SNAPC4: variants seen among roughly 807,000 people sequenced by gnomAD.
SNAPC4 encodes small nuclear RNA activating complex polypeptide 4.
A neutral mutation model predicts 151.3 loss-of-function variants in SNAPC4; 127 were observed. The ratio of observed to expected loss-of-function variants is 0.84; its 90% CI spans 0.73 to 0.97. The LOEUF (loss-of-function observed/expected upper bound fraction) is 0.97, where lower values mean the gene tolerates loss of function less well. SNAPC4 is among the 50% of genes least tolerant of loss of function. The pLI is 0.00. For missense variants in SNAPC4, 2,186 were observed against 1,935.0 expected (o/e 1.13, Z -2.43); for synonymous variants, 1,002 against 824.4 (o/e 1.22, Z -3.69).
At chr9:136,387,946 C>A (rs2131490503) in intron 11 of SNAPC4, 98 bp from the exon 12 acceptor site, 2 of 753,384 alleles carry the variant, frequency 2.7e-6, no homozygotes, top group East Asian at 2.5e-5. Context: ...GGCCGAGACA[C>A]CCACCCTCCA....
Position 136,383,045 on chromosome 9 carries a change from G to C in SNAPC4, c.1983+141C>G, listed in dbSNP as rs2131471098. The C allele has an allele frequency of 7.4e-7, 1 of 1,350,066 alleles. No individual in the cohort carries two copies. The highest frequency in any genetic ancestry group is 9.7e-7 in the Non-Finnish European group (1 of 1,028,650). 83.6% of individuals were successfully genotyped at this position (1,350,066 alleles called of 1,614,324 possible). A position where few individuals can be genotyped will look rare whatever the true frequency, so the allele number is the denominator to read the frequency against. The stretch of plus-strand genomic sequence containing the variant: ...CCAACAGTCCCCCCGACGCACAGCT[G>C]TCCAGAGCTCAGCCAGAAGTAGCAC... On this transcript the variant is annotated intron_variant, in intron 16 of 23. Coordinates refer to ENST00000684778, the MANE Select transcript of SNAPC4 (RefSeq NM_003086.4). The surrounding 1 kb of genome is among the most constrained non-coding windows in gnomAD (Gnocchi z 4.2).
Position 136,379,242 on chromosome 9 carries a change from C to T in SNAPC4, c.2585G>A (p.Gly862Glu). Residue 862 changes from glycine to glutamate, a missense_variant, in exon 22 of 24, where the codon GGG becomes GAG. Coordinates refer to ENST00000684778, the MANE Select transcript of SNAPC4 (RefSeq NM_003086.4). ...CCGGCTGGACGCCAGTCTTCGGCTC[C>T]CTTTGTGGCTGGCACTCTTTGAGGC... ...QEASKSASHK[G>E]SRRLASSRVE... The T allele has an allele frequency of 6.2e-7, 1 of 1,612,700 alleles. No individual in the cohort carries two copies. Among genetic ancestry groups the T allele is most frequent in the Non-Finnish European group, 8.5e-7 (1 of 1,179,966 alleles).
chr9:136,377,783 C>G lies in SNAPC4; in HGVS notation c.4044G>C (p.Leu1348=), dbSNP rs762287176. 20 of 1,611,866 alleles carry G rather than the reference C, an allele frequency of 1.2e-5. No individual in the cohort carries two copies. Among genetic ancestry groups the G allele is most frequent in the Non-Finnish European group, 1.6e-5 (19 of 1,179,680 alleles). ...ERPAGALQAS[L]GLVRGQLQDN... The stretch of plus-strand genomic sequence containing the variant: ...CCTGGAGCTGCCCCCGCACCAGCCC[C>G]AGTGAGGCTTGCAGTGCTCCGGCCG... Residue 1348 remains leucine (L), a synonymous_variant, in exon 22 of 24, where the codon CTG becomes CTC. Coordinates refer to ENST00000684778, the MANE Select transcript of SNAPC4 (RefSeq NM_003086.4).
At chr9:136,395,038 A>G (rs1463378317) in intron 5 of SNAPC4, among the ~76,000 whole-genome samples, 160 bp from the exon 6 acceptor site, 1 of 152,180 alleles carries the variant, frequency 6.6e-6, no homozygotes, top group Non-Finnish European at 1.5e-5. Context: ...CCACTCCATG[A>G]AGCCTGATGA....
chr9:136,388,028 G>A (rs1375324054), intron 11 of SNAPC4, among the ~76,000 whole-genome samples, 180 bp from the exon 12 acceptor site: 3 of 152,208 alleles, frequency 2.0e-5, no homozygotes, highest in Non-Finnish European at 4.4e-5. Flanking sequence ...AGCACTTTGG[G>A]AGGCAGAGGC....
chr9:136,391,173 G>A (rs1379663106), intron 10 of SNAPC4, among the ~76,000 whole-genome samples: 1 of 152,172 alleles, frequency 6.6e-6, no homozygotes, highest in Non-Finnish European at 1.5e-5. Flanking sequence ...TTTAATAGCT[G>A]ATATAGAGTA....
chr9:136,395,549 G>A (rs2131514846), intron 4 of SNAPC4, 54 bp downstream of exon 4: 3 of 1,571,796 alleles, frequency 1.9e-6, no homozygotes, highest in Non-Finnish European at 2.6e-6. Context: ...CCCAGCTGTG[G>A]GGGGCTCTGG....
rs78412831 is a variant in SNAPC4 at position 136,395,999 on chromosome 9, G to A, written c.178-229C>T. Reference sequence around the variant, plus strand: ...CCTGTGTGCGCCTTTCCTAATCCACGGCAGGCAGAGCCTCCAACCTGGAAC... The same window carrying A: ...CCTGTGTGCGCCTTTCCTAATCCACAGCAGGCAGAGCCTCCAACCTGGAAC... On this transcript the variant is annotated intron_variant, in intron 3 of 23. Coordinates refer to ENST00000684778, the MANE Select transcript of SNAPC4 (RefSeq NM_003086.4). Among the ~76,000 whole-genome samples the A allele has an allele frequency of 4.6e-3, 707 of 152,330 alleles. 7 individuals are homozygous for A. The highest frequency in any genetic ancestry group is 0.016 in the African/African-American group (665 of 41,588).
chr9:136,382,440 A>G, intron 16 of SNAPC4, 104 bp from the exon 17 acceptor site: 1 of 991,768 alleles, frequency 1.0e-6, no homozygotes, highest in South Asian at 1.4e-5. Context: ...CAGGCTCCAA[A>G]GCGTGGCTGT....
At chr9:136,397,191 C>G (rs191374965) in intron 2 of SNAPC4, among the ~76,000 whole-genome samples, 168 bp from the exon 3 acceptor site, 1 of 152,294 alleles carries the variant, frequency 6.6e-6, no homozygotes, top group African/African-American at 2.4e-5. Context: ...GGGGTGGGCA[C>G]TGGACCAAGG....
Position 136,379,067 on chromosome 9 carries a change from C to T in SNAPC4, c.2760G>A (p.Gln920=), listed in dbSNP as rs748006178. ...GGATCACAGACGAGGAGACCAGCAG[C>T]TGGGACGGGAGCACCACCGGGCCCC... The part of the protein sequence containing the change: ...ATRGPVVLPS[Q]LLVSSSVILQ... Residue 920 remains glutamine, a synonymous_variant, in exon 22 of 24, where the codon CAG becomes CAA. Transcript: ENST00000684778. 2.5e-6 allele frequency: 4 copies of T among 1,581,964 alleles called. No homozygotes were observed. Among genetic ancestry groups the T allele is most frequent in the East Asian group, 2.3e-5 (1 of 44,024 alleles).
Position 136,378,892 on chromosome 9 carries a change from T to C in SNAPC4, c.2935A>G (p.Lys979Glu). The change falls in exon 22 of 24, where the codon AAG becomes GAG. Residue 979 changes from lysine (K) to glutamate (E), a missense_variant. Coordinates refer to ENST00000684778, the MANE Select transcript of SNAPC4 (RefSeq NM_003086.4). ...AGGGCTTGCATGGTGGAGAGTCTCT[T>C]GTCCTTGGCTGAAGTCCCAGCCTCC... ...WQEAGTSAKD[K>E]RLSTMQALPL... 6.2e-7 allele frequency: 1 copy of C among 1,611,402 alleles called. No homozygotes were observed. Among genetic ancestry groups the C allele is most frequent in the Non-Finnish European group, 8.5e-7 (1 of 1,179,636 alleles).
At position 136,382,076 on chromosome 9, in the gene SNAPC4, G is replaced by A. The variant is rs998363205; in HGVS notation, c.2068-3C>T. 4 of 1,579,006 alleles carry A rather than the reference G, an allele frequency of 2.5e-6. No individual in the cohort carries two copies. In the South Asian group the frequency reaches 3.4e-5, roughly 14 times the overall value. ...GGTGGCTGCCTCAGCTGCTCTTTCT[G>A]TAAGGAGAAGGCAGCACCTGGGGCC... On this transcript the variant is annotated splice_region_variant and splice_polypyrimidine_tract_variant and intron_variant, in intron 17 of 23. Coordinates refer to ENST00000684778, the MANE Select transcript of SNAPC4 (RefSeq NM_003086.4).
Position 136,391,932 on chromosome 9 carries a change from A to G in SNAPC4, c.975+10T>C, listed in dbSNP as rs746028577. On this transcript the variant is annotated intron_variant, in intron 10 of 23. Coordinates refer to ENST00000684778, the MANE Select transcript of SNAPC4 (RefSeq NM_003086.4). ...TCTCCTGGCCCCTGGGGTCCAGGCC[A>G]GGCCCTTACCCCCAGCTCCTCTGCA... 1.3e-6 allele frequency: 2 copies of G among 1,599,936 alleles called. No individual in the cohort carries two copies. Among genetic ancestry groups the G allele is most frequent in the African/African-American group, 2.7e-5 (2 of 75,014 alleles).
Position 136,388,464 on chromosome 9 carries a change from C to A in SNAPC4, c.1103G>T (p.Ser368Ile). ...TQLVQEMRVG[S>I]HIPYRRIVYY... is the part of the protein sequence containing the mutation. ...CTCACTTCTGCGGTAGGGGATGTGG[C>A]TGCCGACGCGCATCTCCTGCACCAG... The change falls in exon 11 of 24, where the codon AGC (serine) becomes ATC (isoleucine). Residue 368 changes from serine to isoleucine, a missense_variant. Ser to Ile is a moderately radical substitution (Grantham distance 142). Coordinates refer to ENST00000684778, the MANE Select transcript of SNAPC4 (RefSeq NM_003086.4). The A allele has an allele frequency of 6.2e-7, 1 of 1,613,274 alleles. No individual in the cohort carries two copies. Among genetic ancestry groups the A allele is most frequent in the Non-Finnish European group, 8.5e-7 (1 of 1,179,800 alleles).
chr9:136,385,770 G>C (rs1213064937), intron 13 of SNAPC4, among the ~76,000 whole-genome samples: 19 of 152,108 alleles, frequency 1.2e-4, no homozygotes, highest in Admixed American at 1.2e-3. Context: ...TGGCCAGGCT[G>C]GTCTTGAACT....
chr9:136,396,143 G>A (rs1318605453), intron 3 of SNAPC4, among the ~76,000 whole-genome samples: 1 of 152,236 alleles, frequency 6.6e-6, no homozygotes, highest in Non-Finnish European at 1.5e-5. Context: ...AGCACGGGGA[G>A]CAAGCCTGTG....
At chr9:136,379,777 C>T in intron 21 of SNAPC4, 60 bp downstream of exon 21, 2 of 1,547,578 alleles carry the variant, frequency 1.3e-6, no homozygotes, top group Non-Finnish European at 1.8e-6. Context: ...CAGGTTAGGC[C>T]TCTTCCCCGC....
rs758126664 is a variant in SNAPC4, at chr9:136,381,378, C to T, written c.2332G>A (p.Glu778Lys). The change falls in exon 19 of 24, where the codon GAG becomes AAG. Residue 778 changes from glutamate to lysine, a missense_variant. Physicochemically the swap from Glu to Lys is moderately conservative, Grantham distance 56. Transcript: ENST00000684778. ...GCCAGGCGGGCCTGCTGCAGCTGCT[C>T]CCTGAGGCCATCCGCTGCGGGCACA... The part of the protein sequence containing the change: ...VVQTQADGLR[E>K]QLQQARLAST... 1.9e-6 allele frequency: 3 copies of T among 1,612,686 alleles called. No homozygotes were observed. In the Admixed American group the frequency reaches 5.0e-5, roughly 27 times the overall value.
Sources: allele counts gnomAD v4.1 joint callset (sites outside exome capture counted in the v4.1 genomes callset), GRCh38; gene constraint gnomAD v4.1.1; non-coding constraint Gnocchi (gnomAD v3.1); transcripts MANE v1.5; gene names NCBI Gene and HGNC (gene_info 2026-07-23, HGNC 2026-07-21).